The following CALN1 variants were observed in gnomAD, a reference collection of about 807,000 sequenced individuals.
CALN1 encodes calcium-binding protein 8.
In CALN1, 17 loss-of-function variants were observed where a neutral mutation model predicts 30.6. The ratio of observed to expected loss-of-function variants is 0.56; its 90% CI spans 0.38 to 0.83. The LOEUF (loss-of-function observed/expected upper bound fraction) is 0.83. Ranked by LOEUF, CALN1 falls within the 40% of genes least tolerant of loss-of-function variation. The pLI is 0.00. For missense variants in CALN1, 291 were observed against 354.9 expected, an observed-to-expected ratio of 0.82 and a Z score of 1.45; for synonymous variants, 156 against 131.4, an observed-to-expected ratio of 1.19 and a Z score of -1.28.
intron 4 of CALN1, among the ~76,000 whole-genome samples, chr7:72,099,828 G>T (rs1806517511): frequency 1.3e-5 from 2 of 152,154 alleles, no homozygotes; most frequent in Non-Finnish European, 2.9e-5. Context: ...TTGATGACTT[G>T]GGTTTTTGTT....
At chr7:72,193,304 G>A (rs767140408) in intron 3 of CALN1, among the ~76,000 whole-genome samples, 6 of 152,142 alleles carry the variant, frequency 3.9e-5, no homozygotes, top group Admixed American at 6.6e-5. Context: ...GATCGAGCCT[G>A]CAGTGAGCCA....
intron 5 of CALN1, among the ~76,000 whole-genome samples, chr7:71,977,059 T>G (rs548691877): frequency 6.6e-6 from 1 of 152,242 alleles, no homozygotes; most frequent in Admixed American, 6.5e-5. Context: ...TTGACACTTC[T>G]GTCTGCTTAT....
At chr7:72,130,436 G>A (rs995019783) in intron 3 of CALN1, among the ~76,000 whole-genome samples, 1 of 152,134 alleles carries the variant, frequency 6.6e-6, no homozygotes, top group Admixed American at 6.5e-5. Flanking sequence ...CTAGACCAAC[G>A]TGCTTGTTAG....
intron 3 of CALN1, among the ~76,000 whole-genome samples, chr7:72,192,013 C>G (rs1027300661): frequency 3.9e-5 from 6 of 152,094 alleles, no homozygotes; most frequent in African/African-American, 1.4e-4. Flanking sequence ...ACTTTTGCAC[C>G]AATCTGAGAG....
chr7:71,906,794 C>G (rs751428166), intron 5 of CALN1, among the ~76,000 whole-genome samples: 35 of 152,166 alleles, frequency 2.3e-4, no homozygotes, highest in Non-Finnish European at 3.7e-4. Flanking sequence ...ATTTCCAGAA[C>G]AAAACAGAAA....
chr7:72,371,902 G>A (rs577110130), intron 2 of CALN1, among the ~76,000 whole-genome samples: 2 of 152,316 alleles, frequency 1.3e-5, no homozygotes, highest in East Asian at 1.9e-4. Flanking sequence ...AATGCATGGA[G>A]CAGCTATTCG....
At chr7:72,357,627 C>A (rs1803312270) in intron 2 of CALN1, among the ~76,000 whole-genome samples, 1 of 151,550 alleles carries the variant, frequency 6.6e-6, no homozygotes, top group African/African-American at 2.4e-5. Context: ...TCAGAATCTA[C>A]AAAAGCGAGG....
chr7:72,311,329 G>A (rs745625405), intron 2 of CALN1, among the ~76,000 whole-genome samples: 5 of 152,078 alleles, frequency 3.3e-5, no homozygotes, highest in Non-Finnish European at 7.4e-5. Flanking sequence ...TTAATTACCT[G>A]TTTACATTAT....
chr7:72,008,556 T>C (rs1281590805), intron 5 of CALN1, among the ~76,000 whole-genome samples: 2 of 151,930 alleles, frequency 1.3e-5, no homozygotes, highest in African/African-American at 2.4e-5. Flanking sequence ...GAAAAAAGGA[T>C]TATTCATTAA....
chr7:72,430,739 A>G (rs1472842215), intron 1 of CALN1, among the ~76,000 whole-genome samples: 2 of 152,118 alleles, frequency 1.3e-5, no homozygotes. Flanking sequence ...TGCGCTCTGC[A>G]TGGTATCCTG....
chr7:71,954,374 C>A (rs1283589914), intron 5 of CALN1, among the ~76,000 whole-genome samples: 1 of 152,018 alleles, frequency 6.6e-6, no homozygotes, highest in African/African-American at 2.4e-5. Flanking sequence ...GCAGGAAAAT[C>A]ATTTGAACCA....
intron 3 of CALN1, among the ~76,000 whole-genome samples, chr7:72,146,333 CAG>C (rs1179850641): frequency 6.6e-6 from 1 of 152,102 alleles, no homozygotes; most frequent in Non-Finnish European, 1.5e-5. Flanking sequence ...CAATAACAGA[CAG>C]AGAGCCAAAT....
chr7:71,801,144 C>T (rs1787275439), intron 6 of CALN1, among the ~76,000 whole-genome samples: 2 of 152,174 alleles, frequency 1.3e-5, no homozygotes, highest in South Asian at 4.1e-4. Context: ...GACATGATCT[C>T]ATTCCTTTTT....
chr7:71,881,092 T>C lies in CALN1; in HGVS notation c.502-70600A>G, dbSNP rs539252051. Among the ~76,000 whole-genome samples, 22 of 152,294 alleles carry C rather than the reference T, an allele frequency of 1.4e-4. No individual in the cohort carries two copies. In the South Asian group the frequency reaches 4.1e-3, roughly 29 times the overall value. On this transcript the variant is annotated intron_variant, in intron 5 of 6. Coordinates refer to ENST00000395275, the MANE Select transcript of CALN1 (RefSeq NM_031468.4). ...GACTTGCTGAGTCTTCCGGAATTCA[T>C]CTTTCTCCCGTGCTGGATGCTTCCT...
intron 3 of CALN1, among the ~76,000 whole-genome samples, chr7:72,122,099 A>G (rs1471555191): frequency 6.6e-6 from 1 of 151,994 alleles, no homozygotes; most frequent in Non-Finnish European, 1.5e-5. Context: ...GAAGACAGAA[A>G]GTAGGAACTG....
intron 2 of CALN1, among the ~76,000 whole-genome samples, chr7:72,370,084 C>G (rs1186523618): frequency 6.6e-6 from 1 of 152,192 alleles, no homozygotes; most frequent in South Asian, 2.1e-4. Flanking sequence ...ACATTCCCAT[C>G]AGTCATGCAT....
chr7:72,011,160 G>GA lies in CALN1; in HGVS notation c.501+12496dup, dbSNP rs199500589. 5.0e-4 allele frequency among the ~76,000 whole-genome samples: 72 copies of GA among 145,316 alleles called. No homozygotes were observed. The East Asian group carries it at 5.6e-3, about 11-fold the overall frequency. On this transcript the variant is annotated intron_variant, in intron 5 of 6. Transcript: ENST00000395275. ...GAGTGAGATTCCGTCAAAAAAAAAA[G>GA]AAAAAAAACAAAAAAGAAAGAAGGA...
intron 5 of CALN1, among the ~76,000 whole-genome samples, chr7:71,865,279 C>T (rs1189160542): frequency 6.6e-6 from 1 of 152,086 alleles, no homozygotes; most frequent in Non-Finnish European, 1.5e-5. Context: ...ATTGCAAGAT[C>T]TGATTGTTTA....
intron 5 of CALN1, among the ~76,000 whole-genome samples, chr7:71,862,103 C>G (rs556719944): frequency 6.6e-6 from 1 of 152,324 alleles, no homozygotes; most frequent in Admixed American, 6.5e-5. Context: ...ACAGAGAATC[C>G]CGAGCCTAAT....
Sources: gnomAD v4.1 joint callset for allele counts (sites outside exome capture counted in the v4.1 genomes callset) on GRCh38, gnomAD v4.1.1 for gene constraint, MANE v1.5 for transcripts, NCBI Gene and HGNC (gene_info 2026-07-23, HGNC 2026-07-21) for gene names.